Variants in PDE4D observed in about 807,000 individuals in gnomAD.
PDE4D encodes the protein 3',5'-cyclic-AMP phosphodiesterase 4D.
Under a neutral mutation model 87.4 loss-of-function variants are expected in PDE4D, and 24 were observed. The ratio of observed to expected loss-of-function variants is 0.27; its 90% CI spans 0.20 to 0.39. The LOEUF (loss-of-function observed/expected upper bound fraction) is 0.39, where lower values mean the gene tolerates loss of function less well. Among genes scored for constraint, PDE4D ranks in the 10% least tolerant of loss-of-function variants. The pLI, the probability that PDE4D is intolerant of heterozygous loss-of-function variation, is 1.00. For missense variants in PDE4D, 714 were observed against 1,041.0 expected (o/e 0.69, Z 4.32); for synonymous variants, 384 against 383.2 (o/e 1.00, Z -0.02).
At chr5:59,907,537 C>T (rs1400120100) in intron 3 of PDE4D, among the ~76,000 whole-genome samples, 1 of 152,034 alleles carries the variant, frequency 6.6e-6, no homozygotes, top group Non-Finnish European at 1.5e-5. Flanking sequence ...AACAAACCTC[C>T]ATCACACTAG....
intron 1 of PDE4D, among the ~76,000 whole-genome samples, chr5:60,364,997 C>A (rs1418846997): frequency 6.6e-6 from 1 of 152,092 alleles, no homozygotes; most frequent in Non-Finnish European, 1.5e-5. Context: ...TAACCCACAA[C>A]AATGTTTATT....
At chr5:59,668,778 G>GAAGAAGAAGAAGA (rs1482528457) in intron 1 of PDE4D, among the ~76,000 whole-genome samples, 3 of 123,482 alleles carry the variant, frequency 2.4e-5, no homozygotes, top group African/African-American at 1.1e-4. Context: ...GAAGAAGAAA[G>GAAGAAGAAGAAGA]AAGAAGAAGA....
At position 59,948,874 on chromosome 5, in the gene PDE4D, A is replaced by T. The variant is rs148088579; in HGVS notation, c.272+39614T>A. Among the ~76,000 whole-genome samples, 5 of 152,336 alleles carry T rather than the reference A, an allele frequency of 3.3e-5. No homozygotes were observed. The East Asian group carries it at 9.7e-4, about 29-fold the overall frequency. On this transcript the variant is annotated intron_variant, in intron 3 of 16. Transcript: ENST00000502484. ...ACCTTAATGACCTTAAGCAAGTTAC[A>T]ATCTCCTTGGGCCCCAACTGGTCAC...
At chr5:59,621,476 G>T (rs1179012857) in intron 1 of PDE4D, among the ~76,000 whole-genome samples, 1 of 152,196 alleles carries the variant, frequency 6.6e-6, no homozygotes, top group Non-Finnish European at 1.5e-5. Flanking sequence ...AATATGATCA[G>T]AAAGCAAACC....
intron 5 of PDE4D, among the ~76,000 whole-genome samples, chr5:59,082,824 G>A (rs760058108): frequency 2.0e-5 from 3 of 152,082 alleles, no homozygotes; most frequent in Admixed American, 1.3e-4. Context: ...GAAATGTGAT[G>A]TCTACTTTCT....
At chr5:59,766,405 T>C (rs549820946) in intron 1 of PDE4D, among the ~76,000 whole-genome samples, 1 of 152,332 alleles carries the variant, frequency 6.6e-6, no homozygotes, top group South Asian at 2.1e-4. Context: ...ATGAAGTTTT[T>C]CCAAACAGCA....
intron 1 of PDE4D, among the ~76,000 whole-genome samples, chr5:59,619,927 G>A (rs1269017719): frequency 6.6e-6 from 1 of 152,160 alleles, no homozygotes; most frequent in Non-Finnish European, 1.5e-5. Flanking sequence ...CTTTAGCACT[G>A]TTATGCTTTG....
chr5:59,643,304 A>T (rs1741912966), intron 1 of PDE4D, among the ~76,000 whole-genome samples: 1 of 152,174 alleles, frequency 6.6e-6, no homozygotes, highest in African/African-American at 2.4e-5. Flanking sequence ...AATTTGCTGA[A>T]AAGAGAGGAG....
At chr5:60,310,704 C>T (rs533343620) in intron 1 of PDE4D, among the ~76,000 whole-genome samples, 2 of 152,348 alleles carry the variant, frequency 1.3e-5, no homozygotes, top group East Asian at 3.9e-4. Flanking sequence ...GTCAGCAAAT[C>T]CAACCTTCGC....
rs181280208 is a variant in PDE4D at position 59,185,647 on chromosome 5, C to T, written c.685-385G>A. The stretch of plus-strand genomic sequence containing the variant: ...TTTAGGGATAAAAAATTCCCTACTC[C>T]CAAATCTCTTCAAAAATTGATGAAG... On this transcript the variant is annotated intron_variant, in intron 3 of 14. Transcript: ENST00000340635. Among the ~76,000 whole-genome samples the T allele has an allele frequency of 2.2e-3, 340 of 152,186 alleles. 2 individuals are homozygous for T. The highest frequency in any genetic ancestry group is 7.6e-3 in the African/African-American group (316 of 41,514).
chr5:59,359,729 T>A (rs1027579897), intron 1 of PDE4D, among the ~76,000 whole-genome samples: 3 of 152,224 alleles, frequency 2.0e-5, no homozygotes, highest in Non-Finnish European at 4.4e-5. Flanking sequence ...GAAGACATCT[T>A]TTGAACATTC....
intron 1 of PDE4D, among the ~76,000 whole-genome samples, chr5:59,878,556 G>C (rs181011606): frequency 1.3e-5 from 2 of 151,962 alleles, no homozygotes; most frequent in Admixed American, 6.6e-5. Flanking sequence ...CAAGCAATTC[G>C]CCCACCTCGG....
chr5:59,826,118 T>C (rs57435268), intron 1 of PDE4D, among the ~76,000 whole-genome samples: 1,825 of 152,258 alleles, frequency 0.012, 44 homozygotes, highest in African/African-American at 0.042. Flanking sequence ...TGTTACAAAT[T>C]CAGAGACTAA....
intron 1 of PDE4D, among the ~76,000 whole-genome samples, chr5:59,886,847 T>G (rs957036960): frequency 2.6e-5 from 4 of 152,060 alleles, no homozygotes; most frequent in African/African-American, 7.2e-5. Context: ...ACTAAGAAAT[T>G]TAGACTTTAT....
At position 60,487,893 on chromosome 5, in the gene PDE4D, C is replaced by T. The variant is rs1187006698; in HGVS notation, c.-90+49G>A. 6 of 137,364 alleles carry T rather than the reference C, an allele frequency of 4.4e-5. No homozygotes were observed. In the East Asian group the frequency reaches 1.0e-3, roughly 24 times the overall value. 8.5% of individuals were successfully genotyped at this position (137,364 alleles called of 1,614,324 possible). ...TACTTACAATCACTCCCTCCCAGGG[C>T]ATGTAATTAATTTACTGAGCTTAAA... On this transcript the variant is annotated intron_variant, in intron 1 of 16. Transcript: ENST00000502484.
At chr5:59,763,600 A>G (rs1762442027) in intron 1 of PDE4D, among the ~76,000 whole-genome samples, 1 of 152,174 alleles carries the variant, frequency 6.6e-6, no homozygotes, top group South Asian at 2.1e-4. Flanking sequence ...GAAAAGCCTG[A>G]AGAATGTGAA....
chr5:59,103,645 C>A (rs1006898180), intron 5 of PDE4D, among the ~76,000 whole-genome samples: 2 of 152,104 alleles, frequency 1.3e-5, no homozygotes, highest in Non-Finnish European at 2.9e-5. Flanking sequence ...CAAGCTTCTC[C>A]CTTTATGTGA....
chr5:60,194,160 C>A (rs1421148069), intron 1 of PDE4D, among the ~76,000 whole-genome samples: 3 of 151,586 alleles, frequency 2.0e-5, no homozygotes, highest in Admixed American at 6.6e-5. Flanking sequence ...TGTCTGTTAT[C>A]TTTCTTTACC....
chr5:59,017,115 G>T (rs1398321793), intron 6 of PDE4D, among the ~76,000 whole-genome samples: 1 of 152,194 alleles, frequency 6.6e-6, no homozygotes, highest in Non-Finnish European at 1.5e-5. Flanking sequence ...GGGAGGACAG[G>T]TCTACGGAAT....
Sources: gnomAD v4.1 joint callset for allele counts (sites outside exome capture counted in the v4.1 genomes callset) on GRCh38, gnomAD v4.1.1 for gene constraint, MANE v1.5 for transcripts, NCBI Gene and HGNC (gene_info 2026-07-23, HGNC 2026-07-21) for gene names.